The following MOV10 variants were observed in gnomAD, a reference collection of about 807,000 sequenced individuals.
MOV10 encodes RNA helicase MOV-10.
In MOV10, 39 loss-of-function variants were observed where a neutral mutation model predicts 108.4. The ratio of observed to expected loss-of-function variants is 0.36; its 90% CI spans 0.28 to 0.47. The LOEUF (loss-of-function observed/expected upper bound fraction) is 0.47. MOV10 is among the 20% of genes least tolerant of loss of function. MOV10 has a pLI of 1.00. For missense variants in MOV10, 952 were observed against 1,297.6 expected (o/e 0.73, Z 4.09); for synonymous variants, 490 against 523.1 (o/e 0.94, Z 0.86).
chr1:112,692,636 CT>C, intron 6 of MOV10, 124 bp from the exon 7 acceptor site: 1 of 1,321,886 alleles, frequency 7.6e-7, no homozygotes, highest in Non-Finnish European at 1.0e-6. Context: ...TCCCTCTAGT[CT>C]TCTCTGCTTT....
intron 16 of MOV10, 41 bp downstream of exon 16, chr1:112,698,519 C>G (rs535832065): frequency 6.3e-7 from 1 of 1,587,944 alleles, no homozygotes; most frequent in Non-Finnish European, 8.6e-7. Flanking sequence ...GCCCCTCCCC[C>G]AGATGGTACC....
intron 4 of MOV10, 39 bp downstream of exon 4, chr1:112,689,689 G>C: frequency 6.2e-7 from 1 of 1,601,824 alleles, no homozygotes. Flanking sequence ...GTGGACAGGG[G>C]CTTGTCCCAG....
Position 112,692,894 on chromosome 1 carries a change from C to G in MOV10, c.1105C>G (p.Pro369Ala), listed in dbSNP as rs753013674. The G allele has an allele frequency of 5.0e-6, 8 of 1,612,838 alleles. No individual in the cohort carries two copies. The African/African-American group carries it at 9.3e-5, about 19-fold the overall frequency. ...DLESVPMTWD[P>A]VDQNPRLLTL... Reference sequence around the variant, plus strand: ...GGAGTCGGTGCCCATGACCTGGGACCCTGTGGACCAGAACCCCAGGCTGCT... The same window carrying G: ...GGAGTCGGTGCCCATGACCTGGGACGCTGTGGACCAGAACCCCAGGCTGCT... The change falls in exon 7 of 21, where the codon CCT becomes GCT. Residue 369 changes from proline to alanine, a missense_variant. Physicochemically the swap from Pro to Ala is conservative, Grantham distance 27. Around this residue, in one of 5 missense-constraint regions of MOV10, gnomAD observed 18 missense variants for 56.7 expected, o/e 0.32. Coordinates refer to ENST00000369645, the MANE Select transcript of MOV10 (RefSeq NM_001321324.2).
At chr1:112,678,393 A>G (rs796910540) in intron 2 of MOV10, among the ~76,000 whole-genome samples, 18 of 152,264 alleles carry the variant, frequency 1.2e-4, no homozygotes, top group African/African-American at 4.3e-4. Context: ...TGGCAAAGCA[A>G]AAGTGAGTTG....
At position 112,700,694 on chromosome 1, in the gene MOV10, G is replaced by A. The variant is rs773137058; in HGVS notation, c.*187G>A. On this transcript the variant is annotated 3_prime_UTR_variant, in exon 21 of 21. Coordinates refer to ENST00000369645, the MANE Select transcript of MOV10 (RefSeq NM_001321324.2). ...ATCAAGCTGCTAACAATTGGGGGAA[G>A]GGGAAGGAAGAAAACTCTGAAAACA... The A allele has an allele frequency of 1.3e-6, 2 of 1,525,974 alleles. No homozygotes were observed. Among genetic ancestry groups the A allele is most frequent in the Non-Finnish European group, 1.7e-6 (2 of 1,143,246 alleles). 94.5% of individuals were successfully genotyped at this position (1,525,974 alleles called of 1,614,324 possible). A position where few individuals can be genotyped will look rare whatever the true frequency, so the allele number is the denominator to read the frequency against.
In MOV10 at chr1:112,692,833, A is replaced by G; in HGVS notation, c.1044A>G (p.Glu348=). Residue 348 remains glutamate (E), a synonymous_variant, in exon 7 of 21, where the codon GAA becomes GAG. Transcript: ENST00000369645. ...VKLRLLLHLE[E]LQMEHDIRHY... The stretch of plus-strand genomic sequence containing the variant: ...TGCGGCTGCTGCTGCACCTGGAGGA[A>G]CTGCAGATGGAGCATGATATCCGGC... The G allele has an allele frequency of 6.2e-7, 1 of 1,609,744 alleles. No individual in the cohort carries two copies. Among genetic ancestry groups the G allele is most frequent in the South Asian group, 1.1e-5 (1 of 90,960 alleles).
rs539475558 is a variant in MOV10, at chr1:112,681,387, G to A, written c.137+6338G>A. Reference sequence around the variant, plus strand: ...CGGGCGCCTGTAATCCCAGCTACTCGGGAGGCTGAGGCAGGAGAATCACTT... The same window carrying A: ...CGGGCGCCTGTAATCCCAGCTACTCAGGAGGCTGAGGCAGGAGAATCACTT... On this transcript the variant is annotated intron_variant, in intron 2 of 20. Transcript: ENST00000369645. Among the ~76,000 whole-genome samples, 235 of 152,080 alleles carry A rather than the reference G, an allele frequency of 1.5e-3. 3 individuals are homozygous for A. Among genetic ancestry groups the A allele is most frequent in the Admixed American group, 6.0e-3 (92 of 15,286 alleles).
chr1:112,689,625 G>A lies in MOV10; in HGVS notation c.552G>A (p.Gln184=). The A allele has an allele frequency of 6.2e-7, 1 of 1,614,232 alleles. No homozygotes were observed. Among genetic ancestry groups the A allele is most frequent in the Non-Finnish European group, 8.5e-7 (1 of 1,180,046 alleles). The part of the protein sequence containing the change: ...TPQFAFYNED[Q]ELPCPLGPGE... ...AGTTTGCTTTCTACAATGAAGACCA[G>A]GAGTTGCCCTGTCCACTGGGCCCCG... Residue 184 remains glutamine (Q), a synonymous_variant, in exon 4 of 21, where the codon CAG becomes CAA. Coordinates refer to ENST00000369645, the MANE Select transcript of MOV10 (RefSeq NM_001321324.2).
chr1:112,682,921 CT>C (rs36031191), intron 2 of MOV10, among the ~76,000 whole-genome samples: 61 of 137,294 alleles, frequency 4.4e-4, no homozygotes, highest in African/African-American at 5.2e-4. Context: ...CTAGGAACAT[CT>C]TTTTTTTTTT....
chr1:112,684,438 T>C (rs938625575), intron 2 of MOV10, among the ~76,000 whole-genome samples: 4 of 151,912 alleles, frequency 2.6e-5, no homozygotes, highest in African/African-American at 9.7e-5. Context: ...CAGCTAATTT[T>C]TTCTATTTTT....
At chr1:112,685,698 T>TA in intron 2 of MOV10, among the ~76,000 whole-genome samples, 2 of 151,152 alleles carry the variant, frequency 1.3e-5, no homozygotes, top group South Asian at 4.2e-4. Context: ...TAAAATAAAA[T>TA]AAATATAGAG....
chr1:112,692,410 C>A (rs1673663503), intron 6 of MOV10, among the ~76,000 whole-genome samples: 1 of 152,134 alleles, frequency 6.6e-6, no homozygotes, highest in African/African-American at 2.4e-5. Flanking sequence ...TGCAGAAGGC[C>A]AGTTAGTCCT....
At chr1:112,695,370 G>C in intron 10 of MOV10, 46 bp from the exon 11 acceptor site, 1 of 1,600,092 alleles carries the variant, frequency 6.2e-7, no homozygotes, top group Admixed American at 1.7e-5. Context: ...GGGTACGGCT[G>C]AGTCTCAGGA....
At chr1:112,689,377 T>G in intron 3 of MOV10, 38 bp from the exon 4 acceptor site, 3 of 792,816 alleles carry the variant, frequency 3.8e-6, no homozygotes, top group Non-Finnish European at 6.7e-6. Context: ...GTCAGACCGC[T>G]CCCACCCCAA....
In MOV10 at chr1:112,694,800, G is replaced by A. The variant is rs1473896046; in HGVS notation, c.1524G>A (p.Arg508=). The A allele has an allele frequency of 6.2e-7, 1 of 1,614,134 alleles. No homozygotes were observed. The highest frequency in any genetic ancestry group is 1.1e-5 in the South Asian group (1 of 91,080). Residue 508 remains arginine (R), a synonymous_variant, in exon 10 of 21, where the codon AGG becomes AGA. Transcript: ENST00000369645. The surrounding 1 kb of genome is among the most constrained non-coding windows in gnomAD (Gnocchi z 4.1). ...ACCCAGAGCAGCTGCAGGCCATGAG[G>A]CACATTGTTACGGGCACCACCCGTC... ...ESNPEQLQAM[R]HIVTGTTRPA... is the part of the protein sequence containing the mutation.
chr1:112,694,320 T>C lies in MOV10; in HGVS notation c.1296-133T>C. On this transcript the variant is annotated intron_variant, in intron 8 of 20. Transcript: ENST00000369645. This position sits in a 1 kb window ranked among gnomAD's most constrained non-coding sequence, Gnocchi z 4.1. ...GGGTACCCTGAGATGCTACGGCAGC[T>C]TCCTCTTCTAGAGAACTTGCATAGA... The C allele has an allele frequency of 7.1e-7, 1 of 1,413,788 alleles. No homozygotes were observed. Among genetic ancestry groups the C allele is most frequent in the Non-Finnish European group, 9.8e-7 (1 of 1,019,242 alleles). 87.6% of individuals were successfully genotyped at this position (1,413,788 alleles called of 1,614,324 possible).
chr1:112,686,359 A>T (rs1673081063), intron 2 of MOV10, among the ~76,000 whole-genome samples: 1 of 152,106 alleles, frequency 6.6e-6, no homozygotes, highest in Non-Finnish European at 1.5e-5. Context: ...GTTACTGATG[A>T]TCTCCTGATT....
rs1254083937 is a variant in MOV10 at position 112,689,646 on chromosome 1, C to A, written c.573C>A (p.Gly191=). The part of the protein sequence containing the change: ...NEDQELPCPL[G]PGECYELHVH... ...ACCAGGAGTTGCCCTGTCCACTGGGCCCCGGTGAGTGAGTTTCCAAAGGAA... is the reference window on the plus strand; with the variant it reads ...ACCAGGAGTTGCCCTGTCCACTGGGACCCGGTGAGTGAGTTTCCAAAGGAA... Residue 191 remains glycine, a synonymous_variant, in exon 4 of 21, where the codon GGC becomes GGA. Coordinates refer to ENST00000369645, the MANE Select transcript of MOV10 (RefSeq NM_001321324.2). 2 of 1,613,584 alleles carry A rather than the reference C, an allele frequency of 1.2e-6. No homozygotes were observed. The highest frequency in any genetic ancestry group is 2.7e-5 in the African/African-American group (2 of 74,914).
At chr1:112,695,618 G>C in intron 11 of MOV10, 44 bp downstream of exon 11, 1 of 1,594,246 alleles carries the variant, frequency 6.3e-7, no homozygotes, top group Non-Finnish European at 8.5e-7. Context: ...AAATGCCGGG[G>C]AGGCTCTCAG....
Sources: allele counts gnomAD v4.1 joint callset (sites outside exome capture counted in the v4.1 genomes callset), GRCh38; gene constraint gnomAD v4.1.1; regional missense constraint gnomAD v4.1.1; non-coding constraint Gnocchi (gnomAD v3.1); transcripts MANE v1.5; gene names NCBI Gene and HGNC (gene_info 2026-07-23, HGNC 2026-07-21).